HS6ST2: variants seen among roughly 807,000 people sequenced by gnomAD.
The protein encoded by HS6ST2 is heparan sulfate 6-O-sulfotransferase 2.
In HS6ST2, 17 loss-of-function variants were observed where a neutral mutation model predicts 33.0. That is an observed-to-expected ratio of 0.52 (90% CI 0.35 to 0.77). The LOEUF (loss-of-function observed/expected upper bound fraction) is 0.77, where lower values mean the gene tolerates loss of function less well. Among genes scored for constraint, HS6ST2 ranks in the 30% least tolerant of loss-of-function variants. HS6ST2 has a pLI of 0.01. For missense variants in HS6ST2, 519 were observed against 551.7 expected (o/e 0.94, Z 0.59); for synonymous variants, 248 against 237.1 (o/e 1.05, Z -0.42).
At chrX:132,883,775 A>G (rs759430505) in intron 2 of HS6ST2, among the ~76,000 whole-genome samples, 2 of 111,312 alleles carry the variant, frequency 1.8e-5, no homozygotes, top group African/African-American at 6.5e-5. Context: ...CTTAACTGAC[A>G]CCGTCTTGCT....
chrX:132,657,730 C>T (rs1388384695), intron 4 of HS6ST2, among the ~76,000 whole-genome samples: 2 of 105,813 alleles, frequency 1.9e-5, no homozygotes, highest in Admixed American at 2.0e-4. Flanking sequence ...TGGGCAGTGG[C>T]AGCATACTAT....
intron 2 of HS6ST2, among the ~76,000 whole-genome samples, chrX:132,780,647 T>C (rs1323912977): frequency 9.0e-6 from 1 of 111,526 alleles, no homozygotes; most frequent in Non-Finnish European, 1.9e-5. Flanking sequence ...CACTCATCTG[T>C]TACATGATGA....
chrX:132,796,888 T>G (rs2065185484), intron 2 of HS6ST2, among the ~76,000 whole-genome samples: 1 of 112,449 alleles, frequency 8.9e-6, no homozygotes, highest in South Asian at 3.7e-4. Flanking sequence ...CTTCTTATTT[T>G]CTTCAGCCTA....
At chrX:132,823,809 C>T (rs1287329914) in intron 2 of HS6ST2, among the ~76,000 whole-genome samples, 1 of 105,114 alleles carries the variant, frequency 9.5e-6, no homozygotes, top group African/African-American at 3.5e-5. Flanking sequence ...TGATATCAAT[C>T]ACACCACTGT....
chrX:132,769,722 C>G (rs371870589), intron 2 of HS6ST2, among the ~76,000 whole-genome samples: 113 of 112,465 alleles, frequency 1.0e-3, no homozygotes, highest in South Asian at 6.3e-3. Context: ...AAAACACACT[C>G]CAGGTGCCTC....
At chrX:132,773,112 T>A (rs1399280920) in intron 2 of HS6ST2, among the ~76,000 whole-genome samples, 1 of 97,920 alleles carries the variant, frequency 1.0e-5, no homozygotes, top group Non-Finnish European at 2.0e-5. Flanking sequence ...TATAAATATA[T>A]AATATTAAAG....
intron 2 of HS6ST2, among the ~76,000 whole-genome samples, chrX:132,787,558 C>T (rs1156806459): frequency 3.9e-5 from 4 of 101,495 alleles, no homozygotes; most frequent in Non-Finnish European, 8.0e-5. Flanking sequence ...TCCCAAAGTG[C>T]TGGGATTACA....
intron 4 of HS6ST2, among the ~76,000 whole-genome samples, chrX:132,659,132 G>C (rs1211113215): frequency 8.9e-6 from 1 of 112,019 alleles, no homozygotes; most frequent in Non-Finnish European, 1.9e-5. Context: ...CTGATGATTT[G>C]TGCTTCAAAT....
At chrX:132,638,092 G>A (rs1203704319) in intron 4 of HS6ST2, among the ~76,000 whole-genome samples, 2 of 100,870 alleles carry the variant, frequency 2.0e-5, no homozygotes, top group African/African-American at 7.2e-5. Context: ...GGTTGTATAT[G>A]ACACTGAGTC....
intron 2 of HS6ST2, among the ~76,000 whole-genome samples, chrX:132,823,804 T>A (rs1433457063): frequency 9.5e-6 from 1 of 104,777 alleles, no homozygotes; most frequent in Non-Finnish European, 1.9e-5. Context: ...TCAGCTGATA[T>A]CAATCACACC....
chrX:132,800,593 TC>T (rs1464880032), intron 2 of HS6ST2, among the ~76,000 whole-genome samples: 2 of 110,651 alleles, frequency 1.8e-5, no homozygotes, highest in African/African-American at 6.6e-5. Context: ...ACTCCCACCA[TC>T]CCCTATGTTG....
chrX:132,810,501 T>C (rs2065331146), intron 2 of HS6ST2, among the ~76,000 whole-genome samples: 1 of 110,730 alleles, frequency 9.0e-6, no homozygotes, highest in Admixed American at 9.7e-5. Context: ...TTGCTAAATA[T>C]GTAGATTCCG....
intron 2 of HS6ST2, among the ~76,000 whole-genome samples, chrX:132,716,290 C>G (rs1012948091): frequency 8.9e-6 from 1 of 112,125 alleles, no homozygotes; most frequent in African/African-American, 3.2e-5. Flanking sequence ...ATAACTTGTC[C>G]TTGGCTATGG....
At chrX:132,707,283 C>T (rs2064195525) in intron 3 of HS6ST2, among the ~76,000 whole-genome samples, 1 of 112,209 alleles carries the variant, frequency 8.9e-6, no homozygotes, top group South Asian at 3.7e-4. Context: ...ACTTTGCCTC[C>T]ATGACACACC....
chrX:132,907,157 T>A (rs2066483213), intron 2 of HS6ST2: 1 of 112,451 alleles, frequency 8.9e-6, no homozygotes, highest in South Asian at 3.7e-4. Context: ...CTTTTCTTTA[T>A]AAATTACCCA....
chrX:132,674,591 A>C (rs960881891), intron 3 of HS6ST2, among the ~76,000 whole-genome samples: 14 of 111,845 alleles, frequency 1.3e-4, no homozygotes, highest in Non-Finnish European at 1.9e-5. Context: ...CTCTTGGTAC[A>C]TGTTGTTTTT....
rs771543307 is a variant in HS6ST2 at position 132,679,899 on chromosome X, C to A, written c.981-10700G>T. ...GGCTCTGTTCCACCTGGCTCACCAG[C>A]GGTCAGAGTTTAAGGTTATCTCTCT... On this transcript the variant is annotated intron_variant, in intron 3 of 4. Transcript: ENST00000370833. 1.3e-3 allele frequency among the ~76,000 whole-genome samples: 140 copies of A among 109,632 alleles called. 1 individual carries two copies. The highest frequency in any genetic ancestry group is 2.3e-3 in the Non-Finnish European group (123 of 52,672).
chrX:132,641,966 G>A (rs781441745), intron 4 of HS6ST2, among the ~76,000 whole-genome samples: 4 of 112,163 alleles, frequency 3.6e-5, no homozygotes, highest in South Asian at 7.6e-4. Context: ...GGGGGCAGGG[G>A]TATAGCTGGA....
chrX:132,724,830 G>A lies in HS6ST2; in HGVS notation c.948-16336C>T, dbSNP rs1465042486. 7.2e-5 allele frequency among the ~76,000 whole-genome samples: 8 copies of A among 111,371 alleles called. No homozygotes were observed. In the East Asian group the frequency reaches 2.0e-3, roughly 27 times the overall value. On this transcript the variant is annotated intron_variant, in intron 2 of 4. Coordinates refer to ENST00000370833, the MANE Select transcript of HS6ST2 (RefSeq NM_001394073.1). ...GACAGGTCAATGGAACAGAATAGAG[G>A]ACCCCAACACAAATCCATACATGGA...
Sources: allele counts gnomAD v4.1 joint callset (sites outside exome capture counted in the v4.1 genomes callset), GRCh38; gene constraint gnomAD v4.1.1; transcripts MANE v1.5; gene names NCBI Gene and HGNC (gene_info 2026-07-23, HGNC 2026-07-21).